The following PRKN variants were observed in gnomAD, a reference collection of about 807,000 sequenced individuals.
PRKN encodes the protein parkin RBR E3 ubiquitin protein ligase.
A neutral mutation model predicts 59.5 loss-of-function variants in PRKN; 56 were observed. The observed-to-expected ratio is 0.94, with a 90% CI of 0.76 to 1.18. PRKN has a LOEUF of 1.18. Among genes scored for constraint, PRKN ranks in the 50% most tolerant of loss-of-function variants. PRKN has a pLI of 0.00. For missense variants in PRKN, 657 were observed against 596.4 expected (o/e 1.10, Z -1.06); for synonymous variants, 250 against 222.1 (o/e 1.13, Z -1.12).
At chr6:162,592,584 G>A (rs192060444) in intron 1 of PRKN, among the ~76,000 whole-genome samples, 27 of 152,186 alleles carry the variant, frequency 1.8e-4, no homozygotes, top group Middle Eastern at 3.4e-3. Context: ...TTCAGAATCT[G>A]CAAAGAGTAA....
intron 1 of PRKN, among the ~76,000 whole-genome samples, chr6:162,620,882 C>T (rs1043616974): frequency 3.3e-5 from 5 of 152,010 alleles, no homozygotes; most frequent in South Asian, 2.1e-4. Flanking sequence ...TTTGTATTTC[C>T]GGTGTGTATG....
At chr6:162,130,683 G>A (rs946973024) in intron 4 of PRKN, among the ~76,000 whole-genome samples, 8 of 152,162 alleles carry the variant, frequency 5.3e-5, no homozygotes, top group African/African-American at 1.9e-4. Flanking sequence ...CATACAGGAA[G>A]CTATGTATGA....
intron 4 of PRKN, among the ~76,000 whole-genome samples, chr6:162,188,773 AT>A (rs1477395491): frequency 7.9e-6 from 1 of 127,312 alleles, no homozygotes; most frequent in Non-Finnish European, 1.6e-5. Flanking sequence ...CATTCCTTAG[AT>A]TTCGTTTTTT....
At chr6:162,045,340 G>A (rs145462638) in intron 5 of PRKN, among the ~76,000 whole-genome samples, 4 of 152,256 alleles carry the variant, frequency 2.6e-5, no homozygotes, top group East Asian at 3.9e-4. Context: ...TAATACTTGC[G>A]TAAGATGATC....
Position 161,377,590 on chromosome 6 carries a change from G to A in PRKN, c.1167+9204C>T, listed in dbSNP as rs1785776929. Among the ~76,000 whole-genome samples, 1 of 152,370 alleles carries A rather than the reference G, an allele frequency of 6.6e-6. No individual in the cohort carries two copies. Among genetic ancestry groups the A allele is most frequent in the South Asian group, 2.1e-4 (1 of 4,832 alleles). On this transcript the variant is annotated intron_variant, in intron 10 of 11. Transcript: ENST00000366898. The surrounding 1 kb of genome is among the most constrained non-coding windows in gnomAD (Gnocchi z 4.2). ...AAGCAGAGCCTTGGGCAACGCAACT[G>A]CTATGGTCCGAGTGTTTGTGTCTCC...
Position 161,764,753 on chromosome 6 carries a change from C to T in PRKN, c.871+21019G>A, listed in dbSNP as rs550835017. On this transcript the variant is annotated intron_variant, in intron 7 of 11. Transcript: ENST00000366898. Reference sequence around the variant, plus strand: ...GTCTCAGAAGGAAAGTGTATTAAAACAATAGCTAAATGCTTTCAATTCAAA... The same window carrying T: ...GTCTCAGAAGGAAAGTGTATTAAAATAATAGCTAAATGCTTTCAATTCAAA... Among the ~76,000 whole-genome samples, 173 of 152,274 alleles carry T rather than the reference C, an allele frequency of 1.1e-3. 4 individuals are homozygous for T. The highest frequency in any genetic ancestry group is 0.011 in the Admixed American group (171 of 15,300).
rs868678368 is a variant in PRKN, at chr6:162,010,947, A to T, written c.619-37530T>A. Among the ~76,000 whole-genome samples, 2 of 22,660 alleles carry T rather than the reference A, an allele frequency of 8.8e-5. 1 individual carries two copies. The highest frequency in any genetic ancestry group is 4.5e-4 in the African/African-American group (2 of 4,440). 14.9% of individuals were successfully genotyped at this position (22,660 alleles called of 152,430 possible). ...ATATATAATATAATATATAATATAT[A>T]ATATATAATTAATATAAATAATATA... On this transcript the variant is annotated intron_variant, in intron 5 of 11. Transcript: ENST00000366898.
chr6:162,026,066 T>C (rs1358098264), intron 5 of PRKN, among the ~76,000 whole-genome samples: 1 of 152,180 alleles, frequency 6.6e-6, no homozygotes, highest in African/African-American at 2.4e-5. Context: ...CTTGTCAGCA[T>C]AGCTACATGC....
intron 6 of PRKN, among the ~76,000 whole-genome samples, chr6:161,950,690 A>G (rs966437965): frequency 6.6e-6 from 1 of 152,150 alleles, no homozygotes; most frequent in African/African-American, 2.4e-5. Flanking sequence ...CGTTGTAGGG[A>G]CTGTGAAAGA....
intron 5 of PRKN, among the ~76,000 whole-genome samples, chr6:162,020,647 C>A (rs1783111641): frequency 2.0e-5 from 3 of 152,092 alleles, no homozygotes; most frequent in African/African-American, 7.2e-5. Flanking sequence ...CAAAAAACAT[C>A]TTAAATGTTG....
chr6:161,826,842 T>C (rs542067685), intron 6 of PRKN, among the ~76,000 whole-genome samples: 1 of 152,334 alleles, frequency 6.6e-6, no homozygotes, highest in East Asian at 1.9e-4. Context: ...ATATGCATGA[T>C]CGAAATAGCC....
At chr6:162,277,258 T>A (rs1193589740) in intron 2 of PRKN, among the ~76,000 whole-genome samples, 1 of 152,172 alleles carries the variant, frequency 6.6e-6, no homozygotes, top group Non-Finnish European at 1.5e-5. Context: ...GGAGGGTTAT[T>A]TCTGCAATGG....
At chr6:162,270,152 A>T (rs908298174) in intron 2 of PRKN, 6 of 152,224 alleles carry the variant, frequency 3.9e-5, no homozygotes, top group African/African-American at 1.4e-4. Flanking sequence ...TGGATAAAGA[A>T]ATCGTGGTAT....
At chr6:162,076,334 C>T (rs963491385) in intron 4 of PRKN, among the ~76,000 whole-genome samples, 1 of 151,932 alleles carries the variant, frequency 6.6e-6, no homozygotes, top group Non-Finnish European at 1.5e-5. Context: ...GTCACTTTGT[C>T]CTTGGACAAG....
intron 1 of PRKN, among the ~76,000 whole-genome samples, chr6:162,600,927 C>T (rs889518409): frequency 6.6e-6 from 1 of 152,072 alleles, no homozygotes; most frequent in African/African-American, 2.4e-5. Flanking sequence ...TTATAAATTA[C>T]CCAGTATCAG....
Position 161,582,389 on chromosome 6 carries a change from A to C in PRKN, c.872-12973T>G, listed in dbSNP as rs1435765369. 6.7e-6 allele frequency among the ~76,000 whole-genome samples: 1 copy of C among 150,222 alleles called. No homozygotes were observed. Among genetic ancestry groups the C allele is most frequent in the Non-Finnish European group, 1.5e-5 (1 of 67,794 alleles). On this transcript the variant is annotated intron_variant, in intron 7 of 11. Coordinates refer to ENST00000366898, the MANE Select transcript of PRKN (RefSeq NM_004562.3). This position sits in a 1 kb window ranked among gnomAD's most constrained non-coding sequence, Gnocchi z 4.4. ...GTTGGGCGCAGCAGATATAATCTGA[A>C]CTAGGAAAGACTGCATCTGCAGACT...
At chr6:162,021,744 G>A (rs1783212230) in intron 5 of PRKN, among the ~76,000 whole-genome samples, 1 of 151,954 alleles carries the variant, frequency 6.6e-6, no homozygotes, top group African/African-American at 2.4e-5. Context: ...TTTTGTACAT[G>A]GGTATATCGT....
intron 7 of PRKN, among the ~76,000 whole-genome samples, chr6:161,603,711 C>A (rs1782181703): frequency 6.6e-6 from 1 of 152,118 alleles, no homozygotes; most frequent in African/African-American, 2.4e-5. Context: ...GGGGAAGTAG[C>A]AGATATATGG....
chr6:161,949,380 A>G (rs375570344), intron 6 of PRKN, among the ~76,000 whole-genome samples: 23 of 152,116 alleles, frequency 1.5e-4, no homozygotes, highest in African/African-American at 5.3e-4. Flanking sequence ...GCATTGTGGC[A>G]GGCGCCTGTA....
Sources: gnomAD v4.1 joint callset for allele counts (sites outside exome capture counted in the v4.1 genomes callset) on GRCh38, gnomAD v4.1.1 for gene constraint, Gnocchi (gnomAD v3.1) non-coding constraint, MANE v1.5 for transcripts, NCBI Gene and HGNC (gene_info 2026-07-23, HGNC 2026-07-21) for gene names.